DNAJC10: variants seen among roughly 807,000 people sequenced by gnomAD.
DNAJC10 encodes DnaJ heat shock protein family (Hsp40) member C10, also known as endoplasmic reticulum disulfide reductase DNAJC10.
A neutral mutation model predicts 115.0 loss-of-function variants in DNAJC10; 101 were observed. That is an observed-to-expected ratio of 0.88 (90% CI 0.75 to 1.04). DNAJC10 has a LOEUF of 1.04. Among genes scored for constraint, DNAJC10 ranks in the 50% least tolerant of loss-of-function variants. The pLI is 0.00. For synonymous variants in DNAJC10, 307 were observed against 301.5 expected (o/e 1.02, Z -0.19); for missense variants, 981 against 928.8 (o/e 1.06, Z -0.73).
chr2:182,716,433 A>T lies in DNAJC10; in HGVS notation c.-254A>T, dbSNP rs530674162. On this transcript the variant is annotated 5_prime_UTR_variant, in exon 1 of 24. Coordinates refer to ENST00000264065, the MANE Select transcript of DNAJC10 (RefSeq NM_018981.4). ...GCTCGGCCAGGCGGGGTCCGCCGCC[A>T]GGGTTTGAGGATGGGGGAGTAGCTA... The T allele has an allele frequency of 1.2e-3, 184 of 152,414 alleles. 1 individual carries two copies. Among genetic ancestry groups the T allele is most frequent in the African/African-American group, 4.2e-3 (174 of 41,528 alleles). The allele number at this position is 152,414 out of a possible 1,614,324, so 9.4% of individuals were successfully genotyped here.
At chr2:182,748,412 GTTA>G (rs957189035) in intron 14 of DNAJC10, among the ~76,000 whole-genome samples, 3 of 152,168 alleles carry the variant, frequency 2.0e-5, no homozygotes, top group African/African-American at 4.8e-5. Context: ...TTCAGCTCCT[GTTA>G]TTGGTCTATT....
intron 7 of DNAJC10, among the ~76,000 whole-genome samples, chr2:182,729,327 T>A (rs549441734): frequency 6.6e-6 from 1 of 152,250 alleles, no homozygotes; most frequent in African/African-American, 2.4e-5. Flanking sequence ...TTTTGTATTT[T>A]TAGTAGAGAC....
intron 22 of DNAJC10, among the ~76,000 whole-genome samples, chr2:182,771,231 C>T (rs1417680515): frequency 1.4e-5 from 2 of 143,774 alleles, no homozygotes; most frequent in African/African-American, 4.9e-5. Flanking sequence ...AGGATTTTCA[C>T]ATCAATATTT....
chr2:182,771,201 A>C (rs936869824), intron 22 of DNAJC10, among the ~76,000 whole-genome samples: 2 of 152,104 alleles, frequency 1.3e-5, no homozygotes, highest in Non-Finnish European at 2.9e-5. Flanking sequence ...TGCTGGATTC[A>C]GTTTGCCAGT....
intron 19 of DNAJC10, 69 bp from the exon 20 acceptor site, chr2:182,758,768 A>C: frequency 1.8e-6 from 2 of 1,100,308 alleles, no homozygotes; most frequent in Non-Finnish European, 2.8e-6. Context: ...TTGCTACAAT[A>C]AGATTGTTTT....
In DNAJC10 at chr2:182,729,787, T is replaced by C. The variant is rs971717898; in HGVS notation, c.634-61T>C. On this transcript the variant is annotated intron_variant, in intron 7 of 23. Coordinates refer to ENST00000264065, the MANE Select transcript of DNAJC10 (RefSeq NM_018981.4). ...GTAAAAATCAAACTCTTTGGTATTA[T>C]TTTTATTGAGTTTTAAAAAGAAAAA... 3.6e-6 allele frequency: 4 copies of C among 1,126,746 alleles called. No homozygotes were observed. The African/African-American group carries it at 6.3e-5, about 18-fold the overall frequency. 69.8% of individuals were successfully genotyped at this position (1,126,746 alleles called of 1,614,324 possible). A position where few individuals can be genotyped will look rare whatever the true frequency, so the allele number is the denominator to read the frequency against.
chr2:182,719,340 G>A (rs944886517), intron 3 of DNAJC10, among the ~76,000 whole-genome samples: 1 of 138,372 alleles, frequency 7.2e-6, no homozygotes, highest in African/African-American at 2.8e-5. Context: ...TGCAACTTCT[G>A]CATCACAGGC....
Position 182,729,945 on chromosome 2 carries a change from AT to A in DNAJC10, c.727+8del. ...ACAGTGACAGAACTTTGGACAGGTAATTTTATTTTCTTAATTTGCTTGATTT... is the reference window on the plus strand; with the variant it reads ...ACAGTGACAGAACTTTGGACAGGTAATTTATTTTCTTAATTTGCTTGATTT... On this transcript the variant is annotated splice_donor_5th_base_variant and intron_variant, in intron 8 of 23. Transcript: ENST00000264065. The A allele has an allele frequency of 6.3e-7, 1 of 1,576,630 alleles. No individual in the cohort carries two copies. Among genetic ancestry groups the A allele is most frequent in the Non-Finnish European group, 8.6e-7 (1 of 1,156,814 alleles).
intron 7 of DNAJC10, 22 bp from the exon 8 acceptor site, chr2:182,729,824 TTC>T: frequency 8.8e-6 from 13 of 1,476,332 alleles, no homozygotes; most frequent in Non-Finnish European, 1.2e-5. Flanking sequence ...TAAAAGATGT[TTC>T]TCTTCTTACA....
chr2:182,757,546 A>T, intron 18 of DNAJC10, 146 bp from the exon 19 acceptor site: 1 of 513,884 alleles, frequency 1.9e-6, no homozygotes. Context: ...ATGGTCTATT[A>T]TATGTTAAAC....
At chr2:182,751,880 A>G in intron 15 of DNAJC10, 95 bp downstream of exon 15, 1 of 1,475,446 alleles carries the variant, frequency 6.8e-7, no homozygotes, top group Non-Finnish European at 9.2e-7. Context: ...TCATTAGTAC[A>G]AAAACTGTGT....
Position 182,791,529 on chromosome 2 carries a change from A to G in DNAJC10, c.*14397A>G, listed in dbSNP as rs576196754. ...AAGTAGCTCTGTCCATAATGATTAT[A>G]TAGTTGTTAGCAAAATATTGGTCAA... On this transcript the variant is annotated 3_prime_UTR_variant, in exon 24 of 24. Transcript: ENST00000264065. 1 of 152,320 alleles carries G rather than the reference A, an allele frequency of 6.6e-6. No homozygotes were observed. Among genetic ancestry groups the G allele is most frequent in the South Asian group, 2.1e-4 (1 of 4,824 alleles). 9.4% of individuals were successfully genotyped at this position (152,320 alleles called of 1,614,324 possible). A position where few individuals can be genotyped will look rare whatever the true frequency, so the allele number is the denominator to read the frequency against.
At chr2:182,735,450 A>C (rs774224655) in intron 10 of DNAJC10, among the ~76,000 whole-genome samples, 20 of 151,894 alleles carry the variant, frequency 1.3e-4, no homozygotes, top group African/African-American at 4.6e-4. Flanking sequence ...ATTCTTTCTT[A>C]GCTTTTAATT....
rs1433749065 is a variant in DNAJC10, at chr2:182,752,150, A to G, written c.1513A>G (p.Thr505Ala). ...NLLYGQLKFG[T>A]LDCTVHEGLC... is the part of the protein sequence containing the mutation. Reference sequence around the variant, plus strand: ...TCTTTATGGTCAGCTTAAGTTTGGTACACTAGATTGTACAGTTCATGAGGG... The same window carrying G: ...TCTTTATGGTCAGCTTAAGTTTGGTGCACTAGATTGTACAGTTCATGAGGG... The change falls in exon 16 of 24, where the codon ACA becomes GCA. Residue 505 changes from threonine (T) to alanine (A), a missense_variant. Physicochemically the swap from Thr to Ala is moderately conservative, Grantham distance 58. Coordinates refer to ENST00000264065, the MANE Select transcript of DNAJC10 (RefSeq NM_018981.4). 6.2e-7 allele frequency: 1 copy of G among 1,613,274 alleles called. No homozygotes were observed. Among genetic ancestry groups the G allele is most frequent in the Non-Finnish European group, 8.5e-7 (1 of 1,179,432 alleles).
rs1232225725 is a variant in DNAJC10 at position 182,791,925 on chromosome 2, A to G, written c.*14793A>G. 6.6e-6 allele frequency: 1 copy of G among 152,226 alleles called. No homozygotes were observed. Among genetic ancestry groups the G allele is most frequent in the African/African-American group, 2.4e-5 (1 of 41,458 alleles). 9.4% of individuals were successfully genotyped at this position (152,226 alleles called of 1,614,324 possible). On this transcript the variant is annotated 3_prime_UTR_variant, in exon 24 of 24. Coordinates refer to ENST00000264065, the MANE Select transcript of DNAJC10 (RefSeq NM_018981.4). The stretch of plus-strand genomic sequence containing the variant: ...AGTTATGTTTTGCATTTTACAACAT[A>G]TTGAAGATACACATTTTAAATTTAA...
chr2:182,728,860 T>C lies in DNAJC10; in HGVS notation c.502-3T>C, dbSNP rs1693359765. On this transcript the variant is annotated splice_region_variant and splice_polypyrimidine_tract_variant and intron_variant, in intron 6 of 23. Coordinates refer to ENST00000264065, the MANE Select transcript of DNAJC10 (RefSeq NM_018981.4). ...AGAAATATGTTTTCTTTTTCTGTCATAGTGGAGAGACTTTGCTAAAGAAGT... is the reference window on the plus strand; with the variant it reads ...AGAAATATGTTTTCTTTTTCTGTCACAGTGGAGAGACTTTGCTAAAGAAGT... The C allele has an allele frequency of 6.2e-7, 1 of 1,614,072 alleles. No individual in the cohort carries two copies. The highest frequency in any genetic ancestry group is 1.3e-5 in the African/African-American group (1 of 75,066).
intron 10 of DNAJC10, 36 bp downstream of exon 10, chr2:182,732,578 T>C: frequency 1.3e-6 from 2 of 1,595,492 alleles, no homozygotes; most frequent in Non-Finnish European, 1.7e-6. Context: ...TATATCACCA[T>C]GTAAAGAAAC....
intron 22 of DNAJC10, among the ~76,000 whole-genome samples, chr2:182,771,290 T>G (rs1352195700): frequency 6.6e-6 from 1 of 152,158 alleles, no homozygotes; most frequent in Non-Finnish European, 1.5e-5. Flanking sequence ...AAAATTCCCT[T>G]TTTTTGTTGT....
At chr2:182,741,403 GTTAAT>G in intron 13 of DNAJC10, 47 bp downstream of exon 13, 1 of 970,138 alleles carries the variant, frequency 1.0e-6, no homozygotes, top group Non-Finnish European at 1.5e-6. Context: ...GTACTTTGTT[GTTAAT>G]TTAATGCATA....
Sources: allele counts gnomAD v4.1 joint callset (sites outside exome capture counted in the v4.1 genomes callset), GRCh38; gene constraint gnomAD v4.1.1; transcripts MANE v1.5; gene names NCBI Gene and HGNC (gene_info 2026-07-23, HGNC 2026-07-21).